The following CSMD1 variants were observed in gnomAD, a reference collection of about 807,000 sequenced individuals.
The protein encoded by CSMD1 is CUB and Sushi multiple domains 1, also known as CUB and sushi domain-containing protein 1.
Under a neutral mutation model 417.5 loss-of-function variants are expected in CSMD1, and 213 were observed. The observed-to-expected ratio is 0.51, with a 90% CI of 0.46 to 0.57. The LOEUF is 0.57. Among genes scored for constraint, CSMD1 ranks in the 20% least tolerant of loss-of-function variants. CSMD1 has a pLI of 0.00. For missense variants in CSMD1, 6,923 were observed against 4,529.7 expected, an observed-to-expected ratio of 1.53 and a Z score of -15.17; for synonymous variants, 2,862 against 1,736.8, an observed-to-expected ratio of 1.65 and a Z score of -16.11.
intron 3 of CSMD1, among the ~76,000 whole-genome samples, chr8:4,342,313 G>A (rs1007869317): frequency 1.3e-5 from 2 of 152,012 alleles, no homozygotes; most frequent in East Asian, 1.9e-4. Context: ...GGTGTGCAAT[G>A]TATGTAAAAC....
At chr8:3,995,247 A>G (rs150179844) in intron 5 of CSMD1, among the ~76,000 whole-genome samples, 22 of 152,282 alleles carry the variant, frequency 1.4e-4, no homozygotes, top group Middle Eastern at 3.4e-3. Flanking sequence ...ATTTAGGAGA[A>G]CCATCTTTTG....
At chr8:4,227,070 A>G (rs1332077386) in intron 3 of CSMD1, among the ~76,000 whole-genome samples, 1 of 152,174 alleles carries the variant, frequency 6.6e-6, no homozygotes, top group African/African-American at 2.4e-5. Flanking sequence ...TCTGAAGGTG[A>G]AATAATAAAT....
intron 1 of CSMD1, among the ~76,000 whole-genome samples, chr8:4,814,288 C>T (rs957045918): frequency 6.6e-6 from 1 of 152,062 alleles, no homozygotes; most frequent in Admixed American, 6.6e-5. Context: ...TCTTAATGGC[C>T]AGGCTGGAGC....
intron 7 of CSMD1, among the ~76,000 whole-genome samples, chr8:3,634,895 C>A (rs1004513796): frequency 8.5e-5 from 13 of 152,120 alleles, no homozygotes; most frequent in African/African-American, 3.1e-4. Flanking sequence ...GCCTGCTGGG[C>A]TATAGGGTAC....
chr8:4,226,826 A>C (rs1477524673), intron 3 of CSMD1, among the ~76,000 whole-genome samples: 1 of 152,236 alleles, frequency 6.6e-6, no homozygotes, highest in East Asian at 1.9e-4. Flanking sequence ...GGTTGTTGAA[A>C]TGCAAATGCA....
intron 3 of CSMD1, among the ~76,000 whole-genome samples, chr8:4,177,546 C>A (rs182246149): frequency 5.7e-4 from 86 of 152,050 alleles, no homozygotes; most frequent in African/African-American, 1.9e-3. Context: ...CAAACACATT[C>A]AAAGCTAGCA....
intron 42 of CSMD1, among the ~76,000 whole-genome samples, chr8:3,113,562 T>A (rs75721545): frequency 0.023 from 3,566 of 152,322 alleles, 77 homozygotes; most frequent in South Asian, 0.11. Flanking sequence ...TCACGCCCAA[T>A]GGGAAACATG....
At position 4,168,809 on chromosome 8, in the gene CSMD1, G is replaced by C. The variant is rs909936396; in HGVS notation, c.416-136710C>G. Among the ~76,000 whole-genome samples, 2 of 151,660 alleles carry C rather than the reference G, an allele frequency of 1.3e-5. 1 individual carries two copies. Among genetic ancestry groups the C allele is most frequent in the African/African-American group, 4.9e-5 (2 of 41,204 alleles). ...CTCCTCTTCCCTTTCATTTTCCTTT[G>C]AACTAACTTCATTCCGGCTCTCTGT... is the stretch of plus-strand genomic sequence containing the variant. On this transcript the variant is annotated intron_variant, in intron 3 of 69. Coordinates refer to ENST00000635120, the MANE Select transcript of CSMD1 (RefSeq NM_033225.6).
chr8:4,367,344 A>G (rs953433675), intron 3 of CSMD1, among the ~76,000 whole-genome samples: 4 of 152,090 alleles, frequency 2.6e-5, no homozygotes, highest in Non-Finnish European at 4.4e-5. Context: ...GATATTGTCA[A>G]CTTTGTCAAA....
intron 3 of CSMD1, among the ~76,000 whole-genome samples, chr8:4,071,172 T>G (rs373635274): frequency 6.6e-6 from 1 of 152,136 alleles, no homozygotes; most frequent in Non-Finnish European, 1.5e-5. Context: ...ACATTAAAGA[T>G]AGTTTCTCCC....
intron 3 of CSMD1, among the ~76,000 whole-genome samples, chr8:4,269,454 G>T (rs759549342): frequency 6.6e-6 from 1 of 152,146 alleles, no homozygotes; most frequent in Non-Finnish European, 1.5e-5. Context: ...GTTTAATCAA[G>T]TATTTTTATC....
chr8:4,357,313 C>G (rs768676597), intron 3 of CSMD1, among the ~76,000 whole-genome samples: 20 of 152,196 alleles, frequency 1.3e-4, no homozygotes, highest in Admixed American at 4.6e-4. Context: ...CACATTTCCT[C>G]CTGATATCAT....
chr8:4,250,326 T>G (rs1180220449), intron 3 of CSMD1, among the ~76,000 whole-genome samples: 2 of 152,162 alleles, frequency 1.3e-5, no homozygotes, highest in East Asian at 1.9e-4. Flanking sequence ...TCCATAGCTG[T>G]GCAAGCTATG....
intron 4 of CSMD1, among the ~76,000 whole-genome samples, chr8:4,025,121 C>T (rs111621603): frequency 0.016 from 2,498 of 152,292 alleles, 71 homozygotes; most frequent in African/African-American, 0.058. Flanking sequence ...GAAGGGGCTG[C>T]AAGAGATGTT....
intron 1 of CSMD1, among the ~76,000 whole-genome samples, chr8:4,901,981 C>T (rs942549988): frequency 1.3e-5 from 2 of 152,164 alleles, no homozygotes; most frequent in Non-Finnish European, 2.9e-5. Flanking sequence ...ATAATGTCAA[C>T]CTCAAACATC....
chr8:3,861,171 G>T (rs1018317102), intron 5 of CSMD1, among the ~76,000 whole-genome samples: 1 of 152,056 alleles, frequency 6.6e-6, no homozygotes, highest in Non-Finnish European at 1.5e-5. Flanking sequence ...GTTCCTTCAT[G>T]ACTCCTCACC....
chr8:3,834,107 G>C (rs910076392), intron 5 of CSMD1, among the ~76,000 whole-genome samples: 5 of 151,904 alleles, frequency 3.3e-5, no homozygotes, highest in Admixed American at 6.6e-5. Flanking sequence ...AATTGTTTTT[G>C]TTTTCCTTAC....
chr8:3,912,977 G>C (rs922030866), intron 5 of CSMD1, among the ~76,000 whole-genome samples: 7 of 152,118 alleles, frequency 4.6e-5, no homozygotes, highest in Admixed American at 2.0e-4. Context: ...CCAAATGTGA[G>C]GAAGACACAG....
intron 5 of CSMD1, among the ~76,000 whole-genome samples, chr8:3,926,096 CACA>C (rs753365046): frequency 1.2e-5 from 1 of 81,142 alleles, no homozygotes; most frequent in Non-Finnish European, 2.4e-5. Flanking sequence ...CACACACACA[CACA>C]CACACACACA....
Sources: gnomAD v4.1 joint callset for allele counts (sites outside exome capture counted in the v4.1 genomes callset) on GRCh38, gnomAD v4.1.1 for gene constraint, MANE v1.5 for transcripts, NCBI Gene and HGNC (gene_info 2026-07-23, HGNC 2026-07-21) for gene names.